The following SLC17A2 variants were observed in gnomAD, a reference collection of about 807,000 sequenced individuals.
SLC17A2 encodes sodium-dependent phosphate transport protein 3.
SLC17A2 carries 38 observed loss-of-function variants against 52.1 expected under a neutral mutation model. The ratio of observed to expected loss-of-function variants is 0.73; its 90% CI spans 0.56 to 0.96. The LOEUF is 0.96. Ranked by LOEUF, SLC17A2 falls within the 40% of genes least tolerant of loss-of-function variation. The pLI, the probability that SLC17A2 is intolerant of heterozygous loss-of-function variation, is 0.00. For synonymous variants in SLC17A2, 226 were observed against 211.9 expected (o/e 1.07, Z -0.58); for missense variants, 508 against 583.9 (o/e 0.87, Z 1.34).
chr6:25,923,685 T>TA lies in SLC17A2; in HGVS notation c.240+9_240+10insT. The TA allele has an allele frequency of 6.2e-7, 1 of 1,610,172 alleles. No individual in the cohort carries two copies. The highest frequency in any genetic ancestry group is 8.5e-7 in the Non-Finnish European group (1 of 1,176,578). ...TCTCAACAAAGAGCCCTATTTTCCA[T>TA]CATACTTACCTTTGTATCAAATTCC... is the stretch of plus-strand genomic sequence containing the variant. On this transcript the variant is annotated intron_variant, in intron 3 of 11. Coordinates refer to ENST00000377850, the MANE Select transcript of SLC17A2 (RefSeq NM_001286123.3).
chr6:25,921,504 G>C, intron 3 of SLC17A2, 92 bp from the exon 4 acceptor site: 1 of 780,980 alleles, frequency 1.3e-6, no homozygotes, highest in Non-Finnish European at 2.0e-6. Flanking sequence ...TGAGACCCTA[G>C]TATAAAATAT....
intron 1 of SLC17A2, among the ~76,000 whole-genome samples, chr6:25,926,206 G>A (rs1012889543): frequency 3.3e-5 from 5 of 152,138 alleles, no homozygotes; most frequent in South Asian, 4.2e-4. Context: ...AGAAGCATGC[G>A]AAGGTGAAGA....
intron 1 of SLC17A2, among the ~76,000 whole-genome samples, chr6:25,926,835 G>A (rs1262212382): frequency 1.3e-5 from 2 of 152,192 alleles, no homozygotes; most frequent in Admixed American, 1.3e-4. Flanking sequence ...GGGAGACTGA[G>A]GTGGGTGGAT....
At chr6:25,920,745 C>G (rs1361806751) in intron 5 of SLC17A2, among the ~76,000 whole-genome samples, 1 of 152,114 alleles carries the variant, frequency 6.6e-6, no homozygotes, top group African/African-American at 2.4e-5. Context: ...TCCGACAAGG[C>G]TTTTCTGACT....
rs1175621626 is a variant in SLC17A2, at chr6:25,925,017, TGAAA to T, written c.28+748_28+751del. Among the ~76,000 whole-genome samples the T allele has an allele frequency of 8.6e-4, 131 of 151,606 alleles. 2 individuals are homozygous for T. The highest frequency in any genetic ancestry group is 8.6e-3 in the Admixed American group (131 of 15,226). On this transcript the variant is annotated intron_variant, in intron 2 of 11. Coordinates refer to ENST00000377850, the MANE Select transcript of SLC17A2 (RefSeq NM_001286123.3). ...GCTTATTTGAAGAAAAGCACTAAAG[TGAAA>T]GAAAGAGAAAACCTGTGAAGACACA...
intron 1 of SLC17A2, among the ~76,000 whole-genome samples, chr6:25,929,953 G>A (rs747664437): frequency 2.0e-5 from 3 of 152,108 alleles, no homozygotes; most frequent in Admixed American, 6.5e-5. Flanking sequence ...CTATGCATGC[G>A]CATAGGTGCA....
chr6:25,920,626 T>G (rs1452878851), intron 5 of SLC17A2, among the ~76,000 whole-genome samples: 1 of 152,222 alleles, frequency 6.6e-6, no homozygotes, highest in Non-Finnish European at 1.5e-5. Flanking sequence ...CCTTACCACC[T>G]GGAGCTGTGG....
rs1209556535 is a variant in SLC17A2 at position 25,923,964 on chromosome 6, C to G, written c.29-58G>C. Reference sequence around the variant, plus strand: ...TCCTGACTGAGACCCCTTTCTTTTCCTTTCTCTCACAGCTCGATCTGATAG... The same window carrying G: ...TCCTGACTGAGACCCCTTTCTTTTCGTTTCTCTCACAGCTCGATCTGATAG... On this transcript the variant is annotated intron_variant, in intron 2 of 11. Transcript: ENST00000377850. The G allele has an allele frequency of 3.7e-6, 5 of 1,341,630 alleles. No homozygotes were observed. The African/African-American group carries it at 5.7e-5, about 15-fold the overall frequency. The allele number at this position is 1,341,630 out of a possible 1,614,324, so 83.1% of individuals were successfully genotyped here.
At chr6:25,927,323 A>G (rs747178918) in intron 1 of SLC17A2, among the ~76,000 whole-genome samples, 3 of 152,220 alleles carry the variant, frequency 2.0e-5, no homozygotes, top group African/African-American at 4.8e-5. Context: ...AGTCAATTTG[A>G]TAGATTATTG....
intron 8 of SLC17A2, among the ~76,000 whole-genome samples, 199 bp downstream of exon 8, chr6:25,916,486 C>T (rs556085018): frequency 6.6e-6 from 1 of 152,148 alleles, no homozygotes; most frequent in Non-Finnish European, 1.5e-5. Context: ...TAGTATTGTG[C>T]AACCTGGGGC....
intron 5 of SLC17A2, among the ~76,000 whole-genome samples, chr6:25,919,914 G>C (rs1416744318): frequency 6.6e-6 from 1 of 152,006 alleles, no homozygotes; most frequent in Non-Finnish European, 1.5e-5. Flanking sequence ...CAGGGGAGTT[G>C]AGTGGAACAA....
intron 1 of SLC17A2, among the ~76,000 whole-genome samples, chr6:25,926,296 C>T (rs1411001035): frequency 2.6e-5 from 4 of 152,174 alleles, no homozygotes; most frequent in African/African-American, 9.7e-5. Flanking sequence ...CCAGAGCGGT[C>T]TTTCCTTTCA....
intron 8 of SLC17A2, among the ~76,000 whole-genome samples, chr6:25,916,229 T>C (rs1766312274): frequency 6.6e-6 from 1 of 152,144 alleles, no homozygotes; most frequent in African/African-American, 2.4e-5. Context: ...TACAGGTGCC[T>C]GCCACCACAC....
rs754959002 is a variant in SLC17A2, at chr6:25,913,329, A to G, written c.1425T>C (p.Leu475=). The G allele has an allele frequency of 1.9e-6, 3 of 1,614,146 alleles. No individual in the cohort carries two copies. The African/African-American group carries it at 4.0e-5, about 22-fold the overall frequency. Residue 475 remains leucine, a synonymous_variant, in exon 12 of 12, where the codon CTT becomes CTC. Transcript: ENST00000377850. ...ELQDWAKERT[L]TRL is the part of the protein sequence containing the mutation. ...TAACTTTATGTCCTCAGAGGCGGGT[A>G]AGGGTCCTCTCTTTGGCCCAGTCTT...
intron 3 of SLC17A2, among the ~76,000 whole-genome samples, chr6:25,921,620 A>C (rs192292878): frequency 1.4e-4 from 22 of 152,336 alleles, no homozygotes; most frequent in African/African-American, 4.8e-4. Flanking sequence ...AAATGAAGAA[A>C]AGAGGTAAAG....
intron 6 of SLC17A2, 103 bp from the exon 7 acceptor site, chr6:25,917,190 T>A: frequency 1.3e-6 from 1 of 780,610 alleles, no homozygotes; most frequent in Non-Finnish European, 2.2e-6. Flanking sequence ...ACTAATCAAT[T>A]AATGCTTATT....
chr6:25,929,569 G>A (rs1277276956), intron 1 of SLC17A2, among the ~76,000 whole-genome samples: 2 of 152,164 alleles, frequency 1.3e-5, no homozygotes, highest in Non-Finnish European at 2.9e-5. Context: ...TCCTCAAGAT[G>A]AGTGGGGAGG....
chr6:25,921,224 T>C lies in SLC17A2; in HGVS notation c.429A>G (p.Gly143=), dbSNP rs1766544632. The C allele has an allele frequency of 6.2e-7, 1 of 1,613,938 alleles. No homozygotes were observed. The highest frequency in any genetic ancestry group is 8.5e-7 in the Non-Finnish European group (1 of 1,179,996). The change falls in exon 4 of 12, where the codon GGA becomes GGG. Residue 143 remains glycine (G), a synonymous_variant. Coordinates refer to ENST00000377850, the MANE Select transcript of SLC17A2 (RefSeq NM_001286123.3). The part of the protein sequence containing the change: ...TLFTPLAADF[G]VILVIMVRTV... The stretch of plus-strand genomic sequence containing the variant: ...TCCGAACCATGATGACCAAAATCAC[T>C]CCGAAGTCAGCAGCCAGTGGTGTAA...
In SLC17A2 at chr6:25,925,843, T is replaced by G. The variant is rs2151558407; in HGVS notation, c.-47A>C. On this transcript the variant is annotated 5_prime_UTR_variant, in exon 2 of 12. Coordinates refer to ENST00000377850, the MANE Select transcript of SLC17A2 (RefSeq NM_001286123.3). Reference sequence around the variant, plus strand: ...ACCACGCTTTGTGGTGGAGTTTCCCTGTGCCCTGAATCTCTTTTACTACGA... The same window carrying G: ...ACCACGCTTTGTGGTGGAGTTTCCCGGTGCCCTGAATCTCTTTTACTACGA... 2 of 1,602,084 alleles carry G rather than the reference T, an allele frequency of 1.2e-6. No individual in the cohort carries two copies. Among genetic ancestry groups the G allele is most frequent in the Non-Finnish European group, 1.7e-6 (2 of 1,168,894 alleles).
Sources: gnomAD v4.1 joint callset for allele counts (sites outside exome capture counted in the v4.1 genomes callset) on GRCh38, gnomAD v4.1.1 for gene constraint, MANE v1.5 for transcripts, NCBI Gene and HGNC (gene_info 2026-07-23, HGNC 2026-07-21) for gene names.